Variants in PTPRM observed in about 807,000 individuals in gnomAD.
The protein encoded by PTPRM is receptor-type tyrosine-protein phosphatase mu.
Under a neutral mutation model 186.7 loss-of-function variants are expected in PTPRM, and 47 were observed. The ratio of observed to expected loss-of-function variants is 0.25; its 90% CI spans 0.20 to 0.32. The LOEUF is 0.32. PTPRM is among the 10% of genes least tolerant of loss of function. The probability of loss-of-function intolerance (pLI) is 1.00; values close to 1 mark genes in which losing one functional copy is unlikely to be tolerated. For missense variants in PTPRM, 1,494 were observed against 1,865.0 expected, an observed-to-expected ratio of 0.80 and a Z score of 3.66; for synonymous variants, 668 against 674.9, an observed-to-expected ratio of 0.99 and a Z score of 0.16.
intron 4 of PTPRM, among the ~76,000 whole-genome samples, chr18:7,909,526 G>A (rs1484068154): frequency 6.6e-6 from 1 of 152,168 alleles, no homozygotes; most frequent in Non-Finnish European, 1.5e-5. Context: ...GAAGGCAATA[G>A]TTTGTTCTTA....
At chr18:7,896,205 T>C (rs566906194) in intron 3 of PTPRM, among the ~76,000 whole-genome samples, 23 of 152,294 alleles carry the variant, frequency 1.5e-4, no homozygotes, top group African/African-American at 5.3e-4. Context: ...GATTTAGACA[T>C]TGATTTTTTG....
chr18:7,658,359 T>TATATATATATATATATATATATATAC (rs1491198247), intron 1 of PTPRM, among the ~76,000 whole-genome samples: 4 of 136,658 alleles, frequency 2.9e-5, no homozygotes, highest in African/African-American at 1.2e-4. Context: ...TATATATATA[T>TATATATATATATATATATATATATAC]ACATACACAC....
intron 19 of PTPRM, among the ~76,000 whole-genome samples, chr18:8,287,222 A>G (rs2094966973): frequency 6.6e-6 from 1 of 152,234 alleles, no homozygotes; most frequent in Admixed American, 6.5e-5. Flanking sequence ...CTTGGAGACA[A>G]CAGCAAAAAC....
At chr18:7,586,332 GC>G (rs1213059013) in intron 1 of PTPRM, among the ~76,000 whole-genome samples, 1 of 152,134 alleles carries the variant, frequency 6.6e-6, no homozygotes, top group African/African-American at 2.4e-5. Context: ...TATTGTAAGT[GC>G]ACTGGCAATG....
intron 14 of PTPRM, among the ~76,000 whole-genome samples, chr18:8,188,733 C>T (rs560685004): frequency 9.2e-5 from 14 of 152,236 alleles, no homozygotes; most frequent in Admixed American, 9.2e-4. Flanking sequence ...AAATGAGGGG[C>T]TGTGCTTCAG....
At chr18:7,758,100 T>C (rs2041594619) in intron 1 of PTPRM, among the ~76,000 whole-genome samples, 1 of 152,188 alleles carries the variant, frequency 6.6e-6, no homozygotes, top group South Asian at 2.1e-4. Flanking sequence ...TCAATATTCA[T>C]GTGTTAGTAA....
chr18:8,174,353 A>G (rs1667914665), intron 14 of PTPRM, among the ~76,000 whole-genome samples: 1 of 152,220 alleles, frequency 6.6e-6, no homozygotes, highest in African/African-American at 2.4e-5. Context: ...TTTACAGCTT[A>G]AAGGCAATAT....
chr18:7,713,479 C>G (rs910996968), intron 1 of PTPRM, among the ~76,000 whole-genome samples: 7 of 152,032 alleles, frequency 4.6e-5, no homozygotes, highest in Non-Finnish European at 1.0e-4. Flanking sequence ...CAAAATAACA[C>G]AGCTAGCATC....
At chr18:7,763,754 C>T (rs117651264) in intron 1 of PTPRM, among the ~76,000 whole-genome samples, 2,795 of 152,228 alleles carry the variant, frequency 0.018, 19 homozygotes, top group Non-Finnish European at 0.025. Flanking sequence ...TTAGGTTAAT[C>T]AATGTCTGGT....
intron 31 of PTPRM, among the ~76,000 whole-genome samples, chr18:8,393,937 C>T (rs1255814142): frequency 2.6e-5 from 4 of 151,892 alleles, no homozygotes; most frequent in Non-Finnish European, 4.4e-5. Flanking sequence ...TACAAGCACC[C>T]GCCACCACGC....
Position 8,314,866 on chromosome 18 carries a change from TTTA to T in PTPRM, c.2919+15_2919+17del. On this transcript the variant is annotated intron_variant, in intron 21 of 32. Coordinates refer to ENST00000580170, the MANE Select transcript of PTPRM (RefSeq NM_001105244.2). ...ATGGCAATTATATCGATGTATGTAT[TTTA>T]TTATTTTTAATTGATATATAATTGT... 6.6e-7 allele frequency: 1 copy of T among 1,524,766 alleles called. No homozygotes were observed. Among genetic ancestry groups the T allele is most frequent in the Non-Finnish European group, 9.0e-7 (1 of 1,107,696 alleles). The allele number at this position is 1,524,766 out of a possible 1,614,324, so 94.5% of individuals were successfully genotyped here.
At chr18:7,586,230 C>T (rs543362077) in intron 1 of PTPRM, among the ~76,000 whole-genome samples, 1 of 152,214 alleles carries the variant, frequency 6.6e-6, no homozygotes, top group East Asian at 1.9e-4. Context: ...GTGGGCTTAA[C>T]CTGCTTCTGT....
chr18:8,288,159 C>G (rs2052496583), intron 19 of PTPRM, among the ~76,000 whole-genome samples: 1 of 152,228 alleles, frequency 6.6e-6, no homozygotes, highest in African/African-American at 2.4e-5. Context: ...CCATAAGAAG[C>G]AGCAGAGAGT....
intron 1 of PTPRM, among the ~76,000 whole-genome samples, chr18:7,573,682 C>T (rs574448198): frequency 4.6e-5 from 7 of 152,194 alleles, no homozygotes; most frequent in African/African-American, 1.2e-4. Flanking sequence ...CTCTGCCTCC[C>T]GGGTTCAAGC....
Position 8,244,074 on chromosome 18 carries a change from C to G in PTPRM, c.2317C>G (p.Arg773Gly). The G allele has an allele frequency of 6.2e-7, 1 of 1,608,590 alleles. No individual in the cohort carries two copies. The highest frequency in any genetic ancestry group is 8.5e-7 in the Non-Finnish European group (1 of 1,178,342). The change falls in exon 15 of 33, where the codon CGG becomes GGG. Residue 773 changes from arginine to glycine, a missense_variant. By Grantham distance (125) the Arg-to-Gly change is moderately radical (BLOSUM62 -2). This residue lies in a region of PTPRM where 1,107 missense variants were observed against 1,350.2 expected (regional missense o/e 0.82). Coordinates refer to ENST00000580170, the MANE Select transcript of PTPRM (RefSeq NM_001105244.2). ...VMKKRKLAKK[R>G]KETMSSTRQE... ...TATCCTAAGGAAACTGGCCAAGAAGCGGAAAGAGACCATGAGCAGCACCCG... is the reference window on the plus strand; with the variant it reads ...TATCCTAAGGAAACTGGCCAAGAAGGGGAAAGAGACCATGAGCAGCACCCG...
intron 20 of PTPRM, among the ~76,000 whole-genome samples, chr18:8,306,258 A>G (rs1436166748): frequency 2.6e-5 from 4 of 152,074 alleles, no homozygotes; most frequent in Non-Finnish European, 4.4e-5. Flanking sequence ...AATACTATGC[A>G]TTATCTTATT....
intron 7 of PTPRM, among the ~76,000 whole-genome samples, chr18:8,030,933 T>C (rs2085925247): frequency 6.6e-6 from 1 of 152,248 alleles, no homozygotes; most frequent in South Asian, 2.1e-4. Context: ...GCCTGTGTAC[T>C]ACCCAAAATT....
chr18:8,076,358 A>G (rs2089813246), intron 8 of PTPRM, 97 bp from the exon 9 acceptor site: 4 of 724,404 alleles, frequency 5.5e-6, no homozygotes, highest in Admixed American at 5.6e-5. Flanking sequence ...GACTATTAAA[A>G]TCTTTTCTCT....
intron 14 of PTPRM, among the ~76,000 whole-genome samples, chr18:8,177,941 A>G (rs1029050130): frequency 1.3e-5 from 2 of 152,124 alleles, no homozygotes; most frequent in Admixed American, 6.5e-5. Context: ...CAGTGTGTTT[A>G]CTGGAGTTGT....
Sources: allele counts gnomAD v4.1 joint callset (sites outside exome capture counted in the v4.1 genomes callset), GRCh38; gene constraint gnomAD v4.1.1; regional missense constraint gnomAD v4.1.1; transcripts MANE v1.5; gene names NCBI Gene and HGNC (gene_info 2026-07-23, HGNC 2026-07-21).